The following DACT1 variants were observed in gnomAD, a reference collection of about 807,000 sequenced individuals.
DACT1 encodes dishevelled binding antagonist of beta catenin 1.
Under a neutral mutation model 35.3 loss-of-function variants are expected in DACT1, and 19 were observed. The observed-to-expected ratio is 0.54, with a 90% CI of 0.38 to 0.79. The LOEUF (loss-of-function observed/expected upper bound fraction) is 0.79, where lower values mean the gene tolerates loss of function less well. Ranked by LOEUF, DACT1 falls within the 30% of genes least tolerant of loss-of-function variation. DACT1 has a pLI of 0.00. For missense variants in DACT1, 1,143 were observed against 1,057.5 expected, an observed-to-expected ratio of 1.08 and a Z score of -1.12; for synonymous variants, 545 against 466.7, an observed-to-expected ratio of 1.17 and a Z score of -2.16.
Position 58,646,713 on chromosome 14 carries a change from G to C in DACT1, c.1979G>C (p.Gly660Ala), listed in dbSNP as rs749550448. 38 of 1,613,164 alleles carry C rather than the reference G, an allele frequency of 2.4e-5. No homozygotes were observed. The African/African-American group carries it at 4.4e-4, about 19-fold the overall frequency. Residue 660 changes from glycine (G) to alanine (A), a missense_variant, in exon 4 of 4, where the codon GGT (glycine) becomes GCT (alanine). Around this residue, in one of 3 missense-constraint regions of DACT1, gnomAD observed 1,054 missense variants for 958.8 expected, o/e 1.10. Transcript: ENST00000395153. ...YEEALRRARRGRRENVGLYPA... is the reference protein window; with the variant it reads ...YEEALRRARRARRENVGLYPA... Reference sequence around the variant, plus strand: ...GAGGCCCTGAGGAGGGCCCGGCGCGGTCGCCGGGAGAATGTGGGGCTGTAC... The same window carrying C: ...GAGGCCCTGAGGAGGGCCCGGCGCGCTCGCCGGGAGAATGTGGGGCTGTAC...
rs755263046 is a variant in DACT1 at position 58,646,742 on chromosome 14, G to T, written c.2008G>T (p.Ala670Ser). Residue 670 changes from alanine to serine, a missense_variant, in exon 4 of 4, where the codon GCG becomes TCG. Coordinates refer to ENST00000395153, the MANE Select transcript of DACT1 (RefSeq NM_001079520.2). ...CCGGGAGAATGTGGGGCTGTACCCC[G>T]CGCCTGTGCCTCTGCCCTACGCCAG... ...GRRENVGLYP[A>S]PVPLPYASPY... The T allele has an allele frequency of 6.2e-7, 1 of 1,613,846 alleles. No individual in the cohort carries two copies. The highest frequency in any genetic ancestry group is 1.1e-5 in the South Asian group (1 of 91,086).
At chr14:58,641,469 A>G in intron 2 of DACT1, 123 bp from the exon 3 acceptor site, 1 of 1,126,652 alleles carries the variant, frequency 8.9e-7, no homozygotes, top group South Asian at 1.5e-5. Flanking sequence ...CCAATGAATC[A>G]AAATTGGCCA....
At chr14:58,637,815 A>C (rs1014733683), upstream of DACT1, among the ~76,000 whole-genome samples, 31 of 142,998 alleles carry the variant, frequency 2.2e-4, no homozygotes, top group South Asian at 2.6e-3. Flanking sequence ...AGCGAGGAGG[A>C]GGCGGCTCTG....
rs200318568 is a variant in DACT1, at chr14:58,646,425, T to C, written c.1691T>C (p.Val564Ala). The change falls in exon 4 of 4, where the codon GTC becomes GCC. Residue 564 changes from valine to alanine, a missense_variant. Transcript: ENST00000395153. ...GGGCTGGAGAACGGCTTGCCCACCG[T>C]CAGGGAGAAAACGCGGGCCGGGAGC... ...LQGLENGLPT[V>A]REKTRAGSKK... The C allele has an allele frequency of 3.1e-6, 5 of 1,597,360 alleles. No individual in the cohort carries two copies. The highest frequency in any genetic ancestry group is 4.3e-6 in the Non-Finnish European group (5 of 1,174,956).
chr14:58,647,959 A>G lies in DACT1; in HGVS notation c.*825A>G, dbSNP rs947450207. ...ATTAATGAAGTAACCCTTGGGCATG[A>G]CTCCAATCCCAGAATTGCTCACTGA... is the stretch of plus-strand genomic sequence containing the variant. On this transcript the variant is annotated 3_prime_UTR_variant, in exon 4 of 4. Transcript: ENST00000395153. 3 of 167,004 alleles carry G rather than the reference A, an allele frequency of 1.8e-5. No homozygotes were observed. The highest frequency in any genetic ancestry group is 7.2e-5 in the African/African-American group (3 of 41,398). The allele number at this position is 167,004 out of a possible 1,614,324, so 10.3% of individuals were successfully genotyped here.
Position 58,646,519 on chromosome 14 carries a change from G to C in DACT1, c.1785G>C (p.Arg595Ser). ...KKLKKASSKG[R>S]KSGGGPEAGV... Reference sequence around the variant, plus strand: ...TCAAGAAAGCCTCCTCCAAGGGGAGGAAGAGTGGGGGCGGGCCCGAGGCTG... The same window carrying C: ...TCAAGAAAGCCTCCTCCAAGGGGAGCAAGAGTGGGGGCGGGCCCGAGGCTG... Residue 595 changes from arginine to serine, a missense_variant, in exon 4 of 4, where the codon AGG becomes AGC. Coordinates refer to ENST00000395153, the MANE Select transcript of DACT1 (RefSeq NM_001079520.2). 6.4e-7 allele frequency: 1 copy of C among 1,559,362 alleles called. No homozygotes were observed.
At chr14:58,635,617 A>C (rs1438217401), upstream of DACT1, among the ~76,000 whole-genome samples, 3 of 149,504 alleles carry the variant, frequency 2.0e-5, no homozygotes, top group African/African-American at 7.4e-5. Context: ...TTTCATGGAG[A>C]TATACAAGCT....
In DACT1 at chr14:58,646,567, C is replaced by A; in HGVS notation, c.1833C>A (p.Gly611=). Residue 611 remains glycine (G), a synonymous_variant, in exon 4 of 4, where the codon GGC becomes GGA. Transcript: ENST00000395153. ...CTGGTGTTCCCGGCAGGCCCGCGGG[C>A]GGGGGCCACAGGGCGGGGAGCAGGG... The part of the protein sequence containing the change: ...PEAGVPGRPA[G]GGHRAGSRAH... The A allele has an allele frequency of 6.4e-7, 1 of 1,561,918 alleles. No homozygotes were observed. Among genetic ancestry groups the A allele is most frequent in the Non-Finnish European group, 8.7e-7 (1 of 1,155,156 alleles).
rs767731225 is a variant in DACT1 at position 58,638,431 on chromosome 14, G to A, written c.229G>A (p.Gly77Arg). ...LLVRGALRGAGGAGAAAPRAG... is the reference protein window; with the variant it reads ...LLVRGALRGARGAGAAAPRAG... ...GGTCAGGGGCGCCCTGCGCGGCGCC[G>A]GGGGTGCGGGAGCCGCTGCGCCCCG... Residue 77 changes from glycine (G) to arginine (R), a missense_variant, in exon 1 of 4, where the codon GGG becomes AGG. Around this residue, in one of 3 missense-constraint regions of DACT1, gnomAD observed 1,054 missense variants for 958.8 expected, o/e 1.10. Transcript: ENST00000395153. 1 of 1,328,836 alleles carries A rather than the reference G, an allele frequency of 7.5e-7. No homozygotes were observed. The highest frequency in any genetic ancestry group is 2.9e-5 in the East Asian group (1 of 34,446). The allele number at this position is 1,328,836 out of a possible 1,614,324, so 82.3% of individuals were successfully genotyped here. A position where few individuals can be genotyped will look rare whatever the true frequency, so the allele number is the denominator to read the frequency against.
upstream of DACT1, among the ~76,000 whole-genome samples, chr14:58,637,432 A>C (rs1214268476): frequency 6.6e-5 from 10 of 152,256 alleles, no homozygotes. Flanking sequence ...GGAGTTAAGG[A>C]ACCAACCCCA....
chr14:58,638,923 C>T (rs1178999560), intron 1 of DACT1: 1 of 1,004,058 alleles, frequency 1.0e-6, no homozygotes, highest in Non-Finnish European at 1.2e-6. Context: ...ACTTAAAATA[C>T]CATTTTATTT....
upstream of DACT1, among the ~76,000 whole-genome samples, chr14:58,635,080 A>G (rs1157024879): frequency 3.3e-5 from 5 of 152,192 alleles, no homozygotes; most frequent in African/African-American, 1.2e-4. Context: ...AAAAGAACCA[A>G]CTAGGGCTGA....
rs1196258237 is a variant in DACT1 at position 58,638,296 on chromosome 14, C to A, written c.94C>A (p.Arg32=). 2 of 1,345,702 alleles carry A rather than the reference C, an allele frequency of 1.5e-6. No homozygotes were observed. The highest frequency in any genetic ancestry group is 3.7e-5 in the South Asian group (2 of 53,834). The allele number at this position is 1,345,702 out of a possible 1,614,324, so 83.4% of individuals were successfully genotyped here. ...CACGGCGGAGCCCGAGGGGCGCTGG[C>A]GGGAGAAGGGCGAGGCAGACACCGA... is the stretch of plus-strand genomic sequence containing the variant. The part of the protein sequence containing the change: ...QRTAEPEGRW[R]EKGEADTERQ... The change falls in exon 1 of 4, where the codon CGG becomes AGG. Residue 32 remains arginine, a synonymous_variant. Coordinates refer to ENST00000395153, the MANE Select transcript of DACT1 (RefSeq NM_001079520.2).
Position 58,645,395 on chromosome 14 carries a change from C to T in DACT1, c.661C>T (p.Leu221=), listed in dbSNP as rs544643097. The T allele has an allele frequency of 1.2e-6, 2 of 1,614,224 alleles. No individual in the cohort carries two copies. The highest frequency in any genetic ancestry group is 2.2e-5 in the South Asian group (2 of 91,086). Residue 221 remains leucine (L), a synonymous_variant, in exon 4 of 4, where the codon CTG becomes TTG. Coordinates refer to ENST00000395153, the MANE Select transcript of DACT1 (RefSeq NM_001079520.2). ...TGTGAATCCCAAGTACCAGTGTGAT[C>T]TGGTGTCTAAAAACGGGAATGATGT... The part of the protein sequence containing the change: ...ADVNPKYQCD[L]VSKNGNDVYR...
intron 3 of DACT1, among the ~76,000 whole-genome samples, chr14:58,642,313 C>T (rs1204476776): frequency 2.6e-5 from 4 of 152,038 alleles, no homozygotes; most frequent in Non-Finnish European, 2.9e-5. Context: ...ATGGTGAAAC[C>T]CCATCTCTAC....
At chr14:58,643,132 G>T (rs1446289385) in intron 3 of DACT1, among the ~76,000 whole-genome samples, 1 of 152,212 alleles carries the variant, frequency 6.6e-6, no homozygotes, top group East Asian at 1.9e-4. Context: ...CTAACTGCCA[G>T]GTCCACGTTT....
At position 58,646,123 on chromosome 14, in the gene DACT1, C is replaced by T; in HGVS notation, c.1389C>T (p.Asn463=). 2 of 1,612,930 alleles carry T rather than the reference C, an allele frequency of 1.2e-6. No homozygotes were observed. The highest frequency in any genetic ancestry group is 1.7e-6 in the Non-Finnish European group (2 of 1,179,720). The stretch of plus-strand genomic sequence containing the variant: ...GAGGCCCTGCCCCGCCGCAGGAGAA[C>T]AAAGTTGTACAGCCCCTGAAAAAGA... ...PSRGPAPPQE[N]KVVQPLKKMS... The change falls in exon 4 of 4, where the codon AAC becomes AAT. Residue 463 remains asparagine (N), a synonymous_variant. Transcript: ENST00000395153.
At position 58,638,355 on chromosome 14, in the gene DACT1, G is replaced by C. The variant is rs745694669; in HGVS notation, c.153G>C (p.Thr51=). 1 of 1,305,738 alleles carries C rather than the reference G, an allele frequency of 7.7e-7. No homozygotes were observed. Among genetic ancestry groups the C allele is most frequent in the Non-Finnish European group, 9.7e-7 (1 of 1,031,608 alleles). The allele number at this position is 1,305,738 out of a possible 1,614,324, so 80.9% of individuals were successfully genotyped here. A position where few individuals can be genotyped will look rare whatever the true frequency, so the allele number is the denominator to read the frequency against. Residue 51 remains threonine, a synonymous_variant, in exon 1 of 4, where the codon ACG becomes ACC. Transcript: ENST00000395153. ...RQRTRERQEA[T]LAGLAELEYL... ...GCACCCGGGAGCGGCAGGAGGCCAC[G>C]CTGGCCGGGCTGGCGGAGCTGGAGT...
chr14:58,646,643 A>T lies in DACT1; in HGVS notation c.1909A>T (p.Thr637Ser), dbSNP rs1382467440. ...GGTGGCCAAACCTAAGCACAAGCGA[A>T]CTGACTACCGGCGGTGGAAGTCCTC... ...AVVAKPKHKRTDYRRWKSSAE... is the reference protein window; with the variant it reads ...AVVAKPKHKRSDYRRWKSSAE... Residue 637 changes from threonine to serine, a missense_variant, in exon 4 of 4, where the codon ACT becomes TCT. By Grantham distance (58) the Thr-to-Ser change is moderately conservative. Around this residue, in one of 3 missense-constraint regions of DACT1, gnomAD observed 1,054 missense variants for 958.8 expected, o/e 1.10. Coordinates refer to ENST00000395153, the MANE Select transcript of DACT1 (RefSeq NM_001079520.2). 6.2e-7 allele frequency: 1 copy of T among 1,612,210 alleles called. No individual in the cohort carries two copies.
Sources: gnomAD v4.1 joint callset for allele counts (sites outside exome capture counted in the v4.1 genomes callset) on GRCh38, gnomAD v4.1.1 for gene constraint, gnomAD v4.1.1 regional missense constraint, MANE v1.5 for transcripts, NCBI Gene and HGNC (gene_info 2026-07-23, HGNC 2026-07-21) for gene names.